The following ATG9A variants were observed in gnomAD, a reference collection of about 807,000 sequenced individuals.
ATG9A encodes autophagy related 9A, also known as autophagy-related protein 9A.
ATG9A carries 21 observed loss-of-function variants against 87.1 expected under a neutral mutation model. That is an observed-to-expected ratio of 0.24 (90% confidence interval 0.17 to 0.35). The LOEUF (loss-of-function observed/expected upper bound fraction) is 0.35, where lower values mean the gene tolerates loss of function less well. ATG9A is among the 10% of genes least tolerant of loss of function. The probability of loss-of-function intolerance (pLI) is 1.00; values close to 1 mark genes in which losing one functional copy is unlikely to be tolerated. For synonymous variants in ATG9A, 422 were observed against 441.3 expected (o/e 0.96, Z 0.55); for missense variants, 836 against 1,107.3 (o/e 0.76, Z 3.48).
In ATG9A at chr2:219,220,342, G is replaced by A. The variant is rs888067470; in HGVS notation, c.*105C>T. ...GCACAGACACACAAACACCACACAC[G>A]TGGGGCCAGGGAACACTCAGAGGAG... On this transcript the variant is annotated 3_prime_UTR_variant, in exon 16 of 16. Transcript: ENST00000361242. 61 of 1,449,850 alleles carry A rather than the reference G, an allele frequency of 4.2e-5. No homozygotes were observed. Among genetic ancestry groups the A allele is most frequent in the African/African-American group, 5.6e-5 (4 of 71,332 alleles). 89.8% of individuals were successfully genotyped at this position (1,449,850 alleles called of 1,614,324 possible).
At position 219,220,592 on chromosome 2, in the gene ATG9A, G is replaced by C. The variant is rs1950732221; in HGVS notation, c.2515-140C>G. 2.7e-6 allele frequency: 4 copies of C among 1,491,090 alleles called. No individual in the cohort carries two copies. In the Admixed American group the frequency reaches 7.2e-5, roughly 27 times the overall value. 92.4% of individuals were successfully genotyped at this position (1,491,090 alleles called of 1,614,324 possible). Reference sequence around the variant, plus strand: ...AGGTAAGGAAAAACCAAGCCCTGCAGAGCAGTTGAGAAAAGAAGGGGTAGT... The same window carrying C: ...AGGTAAGGAAAAACCAAGCCCTGCACAGCAGTTGAGAAAAGAAGGGGTAGT... On this transcript the variant is annotated intron_variant, in intron 15 of 15. Coordinates refer to ENST00000361242, the MANE Select transcript of ATG9A (RefSeq NM_001077198.3).
chr2:219,227,560 A>C (rs1037219934), intron 4 of ATG9A, among the ~76,000 whole-genome samples: 67 of 152,118 alleles, frequency 4.4e-4, no homozygotes, highest in African/African-American at 1.5e-3. Flanking sequence ...CTACAAATTA[A>C]CACCACAAAG....
chr2:219,220,394 G>A lies in ATG9A; in HGVS notation c.*53C>T. 1.2e-6 allele frequency: 2 copies of A among 1,605,106 alleles called. No homozygotes were observed. The highest frequency in any genetic ancestry group is 8.5e-7 in the Non-Finnish European group (1 of 1,173,004). On this transcript the variant is annotated 3_prime_UTR_variant, in exon 16 of 16. Coordinates refer to ENST00000361242, the MANE Select transcript of ATG9A (RefSeq NM_001077198.3). The stretch of plus-strand genomic sequence containing the variant: ...CGTCCCATGGCAGGCAGACGGGATG[G>A]CAGGGCAGCGGTGGCCTCCATCCTG...
At chr2:219,221,669 G>A (rs969277837) in intron 13 of ATG9A, among the ~76,000 whole-genome samples, 2 of 152,110 alleles carry the variant, frequency 1.3e-5, no homozygotes, top group African/African-American at 2.4e-5. Context: ...TATGGAATAA[G>A]CAAATAAATA....
chr2:219,219,667 G>A lies in ATG9A; in HGVS notation c.*780C>T, dbSNP rs1950712496. ...CACCCTCCAGCCCGGTCTGTCCCAT[G>A]TGCAGGTGATGGGGGGTACGATAAG... On this transcript the variant is annotated 3_prime_UTR_variant, in exon 16 of 16. Transcript: ENST00000361242. The A allele has an allele frequency of 6.6e-6, 1 of 152,506 alleles. No individual in the cohort carries two copies. The highest frequency in any genetic ancestry group is 2.1e-4 in the South Asian group (1 of 4,840). The allele number at this position is 152,506 out of a possible 1,614,324, so 9.4% of individuals were successfully genotyped here.
chr2:219,226,177 C>A (rs1950856250), intron 5 of ATG9A, among the ~76,000 whole-genome samples: 1 of 152,082 alleles, frequency 6.6e-6, no homozygotes. Flanking sequence ...GCGGCACAAT[C>A]TCGGCTCACT....
Position 219,223,040 on chromosome 2 carries a change from C to G in ATG9A, c.1600-147G>C. On this transcript the variant is annotated intron_variant, in intron 10 of 15. Coordinates refer to ENST00000361242, the MANE Select transcript of ATG9A (RefSeq NM_001077198.3). The surrounding 1 kb of genome is among the most constrained non-coding windows in gnomAD (Gnocchi z 4.7). The stretch of plus-strand genomic sequence containing the variant: ...CCCAGGGCACTGGTGCCCCCCCAGA[C>G]CCAGGAGGGGCTGCACTGCATGCTG... 4.8e-6 allele frequency: 5 copies of G among 1,031,818 alleles called. No individual in the cohort carries two copies. The highest frequency in any genetic ancestry group is 5.6e-6 in the Non-Finnish European group (4 of 718,644). 63.9% of individuals were successfully genotyped at this position (1,031,818 alleles called of 1,614,324 possible).
chr2:219,223,233 G>A lies in ATG9A; in HGVS notation c.1600-340C>T, dbSNP rs933045467. 1.3e-5 allele frequency among the ~76,000 whole-genome samples: 2 copies of A among 151,974 alleles called. No individual in the cohort carries two copies. The highest frequency in any genetic ancestry group is 4.8e-5 in the African/African-American group (2 of 41,384). On this transcript the variant is annotated intron_variant, in intron 10 of 15. Coordinates refer to ENST00000361242, the MANE Select transcript of ATG9A (RefSeq NM_001077198.3). The surrounding 1 kb of genome is among the most constrained non-coding windows in gnomAD (Gnocchi z 4.7). ...CTCCCGAGTAGCTGGGACTACAGGC[G>A]CCCGCTACCACGCCTGGCTAATTTT...
Position 219,229,278 on chromosome 2 carries a change from T to A in ATG9A, c.-82+257A>T, listed in dbSNP as rs955111678. 2 of 151,670 alleles carry A rather than the reference T, an allele frequency of 1.3e-5. No individual in the cohort carries two copies. Among genetic ancestry groups the A allele is most frequent in the African/African-American group, 4.8e-5 (2 of 41,270 alleles). 9.4% of individuals were successfully genotyped at this position (151,670 alleles called of 1,614,324 possible). A position where few individuals can be genotyped will look rare whatever the true frequency, so the allele number is the denominator to read the frequency against. On this transcript the variant is annotated intron_variant, in intron 1 of 15. Coordinates refer to ENST00000361242, the MANE Select transcript of ATG9A (RefSeq NM_001077198.3). The surrounding 1 kb of genome is among the most constrained non-coding windows in gnomAD (Gnocchi z 4.2). ...CGGCGACCGTGGACCGGAGTCCACC[T>A]CGCCCCAGGGTCGCCCGGCCCCAGG... is the stretch of plus-strand genomic sequence containing the variant.
Position 219,226,936 on chromosome 2 carries a change from G to A in ATG9A, c.148-3C>T, listed in dbSNP as rs772643152. On this transcript the variant is annotated splice_polypyrimidine_tract_variant and splice_region_variant and intron_variant, in intron 4 of 15. Coordinates refer to ENST00000361242, the MANE Select transcript of ATG9A (RefSeq NM_001077198.3). The stretch of plus-strand genomic sequence containing the variant: ...TTCTTCTGGTGCAGATTATAAACGT[G>A]TAATTGTTAAGAAAAAGTAGTCAGT... 3.1e-6 allele frequency: 5 copies of A among 1,612,620 alleles called. No individual in the cohort carries two copies. Among genetic ancestry groups the A allele is most frequent in the Non-Finnish European group, 4.2e-6 (5 of 1,178,610 alleles).
At position 219,224,002 on chromosome 2, in the gene ATG9A, T is replaced by G. The variant is rs1950815501; in HGVS notation, c.1286A>C (p.His429Pro). ...CAGCTGCTCAGGGCAGAACACCATG[T>G]GCTGGTCCGGGATAAAGGACCTAGT... Reference protein sequence around the residue: ...TVCRSFIPDQHMVFCPEQLLR... With the variant: ...TVCRSFIPDQPMVFCPEQLLR... Residue 429 changes from histidine (H) to proline (P), a missense_variant, in exon 9 of 16, where the codon CAC (histidine) becomes CCC (proline). Coordinates refer to ENST00000361242, the MANE Select transcript of ATG9A (RefSeq NM_001077198.3). This position sits in a 1 kb window ranked among gnomAD's most constrained non-coding sequence, Gnocchi z 7.7. 3 of 1,612,370 alleles carry G rather than the reference T, an allele frequency of 1.9e-6. No homozygotes were observed. Among genetic ancestry groups the G allele is most frequent in the South Asian group, 2.2e-5 (2 of 90,898 alleles).
rs746589909 is a variant in ATG9A, at chr2:219,224,700, T to C, written c.671A>G (p.Asn224Ser). 6.2e-7 allele frequency: 1 copy of C among 1,614,236 alleles called. No individual in the cohort carries two copies. Among genetic ancestry groups the C allele is most frequent in the South Asian group, 1.1e-5 (1 of 91,082 alleles). Residue 224 changes from asparagine (N) to serine (S), a missense_variant, in exon 8 of 16, where the codon AAC (asparagine) becomes AGC (serine). Asn to Ser is a conservative substitution (Grantham distance 46). Transcript: ENST00000361242. This position sits in a 1 kb window ranked among gnomAD's most constrained non-coding sequence, Gnocchi z 7.7. ...RFQNYMVALV[N>S]KSLLPLRFRL... ...GAAGCGCAGAGGCAGGAGGGATTTG[T>C]TAACCAGTGCCACCATGTAGTTCTG...
intron 13 of ATG9A, among the ~76,000 whole-genome samples, chr2:219,221,779 A>G (rs1950765376): frequency 6.6e-6 from 1 of 152,174 alleles, no homozygotes; most frequent in South Asian, 2.1e-4. Context: ...ACTGAGAGTG[A>G]TCAGAGAAAG....
rs1426283252 is a variant in ATG9A, at chr2:219,219,401, T to G, written c.*1046A>C. On this transcript the variant is annotated 3_prime_UTR_variant, in exon 16 of 16. Transcript: ENST00000361242. The stretch of plus-strand genomic sequence containing the variant: ...GAAGTCTGGTCAAACTCCCTTTTTA[T>G]TAAGGGTTATCAAGCTGTACACGGT... The G allele has an allele frequency of 6.6e-6, 1 of 152,572 alleles. No homozygotes were observed. Among genetic ancestry groups the G allele is most frequent in the Non-Finnish European group, 1.5e-5 (1 of 68,050 alleles). 9.5% of individuals were successfully genotyped at this position (152,572 alleles called of 1,614,324 possible). A position where few individuals can be genotyped will look rare whatever the true frequency, so the allele number is the denominator to read the frequency against.
chr2:219,228,079 C>G (rs1178686326), intron 2 of ATG9A, 26 bp from the exon 3 acceptor site: 8 of 1,512,562 alleles, frequency 5.3e-6, no homozygotes, highest in African/African-American at 4.2e-5. Context: ...AAGAAGAGAC[C>G]CTGATTCAGT....
chr2:219,226,026 G>T (rs1228416154), intron 5 of ATG9A, among the ~76,000 whole-genome samples: 1 of 152,238 alleles, frequency 6.6e-6, no homozygotes, highest in Non-Finnish European at 1.5e-5. Flanking sequence ...CAGAACAGAG[G>T]CTTTTCTCTG....
In ATG9A at chr2:219,222,205, T is replaced by C. The variant is rs1331765520; in HGVS notation, c.2028-38A>G. ...ACAGAGACAGACAGCAGCTGTGAAC[T>C]TCTCTGAGACCCACACAAGCTGCTG... On this transcript the variant is annotated intron_variant, in intron 12 of 15. Transcript: ENST00000361242. The surrounding 1 kb of genome is among the most constrained non-coding windows in gnomAD (Gnocchi z 4.3). 3 of 1,613,178 alleles carry C rather than the reference T, an allele frequency of 1.9e-6. No homozygotes were observed. The highest frequency in any genetic ancestry group is 2.2e-5 in the East Asian group (1 of 44,876).
Position 219,224,272 on chromosome 2 carries a change from A to G in ATG9A, c.1099T>C (p.Cys367Arg). Residue 367 changes from cysteine (C) to arginine (R), a missense_variant, in exon 8 of 16, where the codon TGC becomes CGC. Physicochemically the swap from Cys to Arg is radical, Grantham distance 180 (BLOSUM62 -3). Transcript: ENST00000361242. The surrounding 1 kb of genome is among the most constrained non-coding windows in gnomAD (Gnocchi z 7.7). ...AGTGTCAAAAGAGGTGACAAGAAGC[A>G]ATTCATGTACTTGGAGGCGGGCTTG... is the stretch of plus-strand genomic sequence containing the variant. Reference protein sequence around the residue: ...GYKPASKYMNCFLSPLLTLLA... With the variant: ...GYKPASKYMNRFLSPLLTLLA... 1 of 1,614,018 alleles carries G rather than the reference A, an allele frequency of 6.2e-7. No homozygotes were observed. The highest frequency in any genetic ancestry group is 8.5e-7 in the Non-Finnish European group (1 of 1,180,044).
chr2:219,223,774 C>T lies in ATG9A; in HGVS notation c.1420-10G>A, dbSNP rs376359073. The T allele has an allele frequency of 1.1e-4, 174 of 1,613,070 alleles. No individual in the cohort carries two copies. The highest frequency in any genetic ancestry group is 3.3e-4 in the Middle Eastern group (2 of 6,062). Reference sequence around the variant, plus strand: ...CTTCCAAAATGAACACCTAAAAGGGCGGGACCAAGGTCACAAGCGAGCAGG... The same window carrying T: ...CTTCCAAAATGAACACCTAAAAGGGTGGGACCAAGGTCACAAGCGAGCAGG... On this transcript the variant is annotated splice_polypyrimidine_tract_variant and intron_variant, in intron 9 of 15. Transcript: ENST00000361242. This position sits in a 1 kb window ranked among gnomAD's most constrained non-coding sequence, Gnocchi z 4.7.
Sources: allele counts gnomAD v4.1 joint callset (sites outside exome capture counted in the v4.1 genomes callset), GRCh38; gene constraint gnomAD v4.1.1; non-coding constraint Gnocchi (gnomAD v3.1); transcripts MANE v1.5; gene names NCBI Gene and HGNC (gene_info 2026-07-23, HGNC 2026-07-21).